SLC2A13: variants seen among roughly 807,000 people sequenced by gnomAD.
SLC2A13 encodes the protein proton myo-inositol cotransporter.
A neutral mutation model predicts 64.4 loss-of-function variants in SLC2A13; 32 were observed. The ratio of observed to expected loss-of-function variants is 0.50; its 90% confidence interval spans 0.37 to 0.67. The LOEUF is 0.67. Ranked by LOEUF, SLC2A13 falls within the 30% of genes least tolerant of loss-of-function variation. The probability of loss-of-function intolerance (pLI) is 0.00; values close to 1 mark genes in which losing one functional copy is unlikely to be tolerated. For missense variants in SLC2A13, 743 were observed against 829.2 expected (o/e 0.90, Z 1.28); for synonymous variants, 338 against 327.1 (o/e 1.03, Z -0.36).
chr12:39,926,526 G>C (rs540061045), intron 4 of SLC2A13, among the ~76,000 whole-genome samples: 1 of 152,098 alleles, frequency 6.6e-6, no homozygotes, highest in Non-Finnish European at 1.5e-5. Context: ...GTGCTGTATC[G>C]CCCACTGGTA....
At chr12:40,078,937 T>A (rs901592745) in intron 1 of SLC2A13, among the ~76,000 whole-genome samples, 1 of 152,196 alleles carries the variant, frequency 6.6e-6, no homozygotes, top group African/African-American at 2.4e-5. Flanking sequence ...TTCGTAATAG[T>A]TTCTGAGGGT....
At chr12:39,955,418 C>T (rs1946298853) in intron 3 of SLC2A13, among the ~76,000 whole-genome samples, 2 of 151,932 alleles carry the variant, frequency 1.3e-5, no homozygotes, top group Admixed American at 6.6e-5. Context: ...ACGAGTGAAA[C>T]CCAAAGTATG....
chr12:39,955,214 G>C (rs1471868674), intron 3 of SLC2A13, among the ~76,000 whole-genome samples: 1 of 152,114 alleles, frequency 6.6e-6, no homozygotes, highest in Non-Finnish European at 1.5e-5. Flanking sequence ...GTAACTGAAA[G>C]ACAACTGGAA....
chr12:39,779,242 A>AAT lies in SLC2A13; in HGVS notation c.1446-14386_1446-14385dup, dbSNP rs1356130707. Reference sequence around the variant, plus strand: ...TGGACCTCATTTGAGTTATCCATAAAATGAGTATGTTGGATGCAGCATTCT... The same window carrying AAT: ...TGGACCTCATTTGAGTTATCCATAAAATATGAGTATGTTGGATGCAGCATTCT... On this transcript the variant is annotated intron_variant, in intron 7 of 9. Coordinates refer to ENST00000280871, the MANE Select transcript of SLC2A13 (RefSeq NM_052885.4). Among the ~76,000 whole-genome samples, 3 of 152,180 alleles carry AAT rather than the reference A, an allele frequency of 2.0e-5. No homozygotes were observed. In the East Asian group the frequency reaches 5.8e-4, roughly 29 times the overall value.
intron 6 of SLC2A13, among the ~76,000 whole-genome samples, chr12:39,834,150 CTT>C (rs1942941188): frequency 6.6e-6 from 1 of 152,066 alleles, no homozygotes; most frequent in African/African-American, 2.4e-5. Context: ...TCACATAAAA[CTT>C]TGGTTAAATA....
At chr12:39,880,933 C>T (rs1446503985) in intron 4 of SLC2A13, among the ~76,000 whole-genome samples, 1 of 152,174 alleles carries the variant, frequency 6.6e-6, no homozygotes, top group Non-Finnish European at 1.5e-5. Context: ...AAAATACATG[C>T]CCACTGGACA....
intron 3 of SLC2A13, among the ~76,000 whole-genome samples, chr12:40,007,969 TA>T (rs1298362066): frequency 6.6e-6 from 1 of 152,198 alleles, no homozygotes; most frequent in Non-Finnish European, 1.5e-5. Context: ...AACCCAGATT[TA>T]AAATATAAGC....
chr12:40,093,415 C>T (rs1409523107), intron 1 of SLC2A13, among the ~76,000 whole-genome samples: 1 of 152,132 alleles, frequency 6.6e-6, no homozygotes, highest in Non-Finnish European at 1.5e-5. Context: ...CCAGGCACTA[C>T]ACTATTCAAT....
intron 1 of SLC2A13, 40 bp from the exon 2 acceptor site, chr12:40,048,250 A>G: frequency 6.4e-7 from 1 of 1,556,042 alleles, no homozygotes; most frequent in Non-Finnish European, 8.7e-7. Context: ...ACATTTACTC[A>G]AGATTTCTGT....
At chr12:40,094,632 G>A (rs564234787) in intron 1 of SLC2A13, among the ~76,000 whole-genome samples, 1 of 152,208 alleles carries the variant, frequency 6.6e-6, no homozygotes, top group African/African-American at 2.4e-5. Context: ...GTAAGGATGA[G>A]AGCCTGTCTG....
intron 3 of SLC2A13, among the ~76,000 whole-genome samples, chr12:39,959,056 GA>G (rs1292997919): frequency 2.0e-5 from 3 of 152,002 alleles, no homozygotes; most frequent in Admixed American, 6.6e-5. Flanking sequence ...GGAAAGAAGA[GA>G]AAAAAAGAGA....
chr12:39,840,803 T>C (rs1044130261), intron 6 of SLC2A13, among the ~76,000 whole-genome samples: 3 of 152,114 alleles, frequency 2.0e-5, no homozygotes, highest in African/African-American at 7.2e-5. Flanking sequence ...CTCAAGACCC[T>C]GTACAGCTTT....
intron 5 of SLC2A13, among the ~76,000 whole-genome samples, chr12:39,868,864 C>A (rs1001637637): frequency 2.0e-5 from 3 of 152,084 alleles, no homozygotes; most frequent in African/African-American, 7.2e-5. Context: ...TTTTGTACTT[C>A]TTTGTATAAA....
intron 4 of SLC2A13, among the ~76,000 whole-genome samples, chr12:39,912,867 C>G (rs1480519696): frequency 6.6e-6 from 1 of 151,996 alleles, no homozygotes; most frequent in Non-Finnish European, 1.5e-5. Flanking sequence ...AAGTACGTGG[C>G]CTACATACAA....
chr12:39,899,249 A>G (rs1350635973), intron 4 of SLC2A13, among the ~76,000 whole-genome samples: 1 of 151,884 alleles, frequency 6.6e-6, no homozygotes, highest in Non-Finnish European at 1.5e-5. Context: ...TTTCTTCTAG[A>G]TTTTCTAGTT....
chr12:39,842,229 A>G (rs1310582570), intron 6 of SLC2A13, among the ~76,000 whole-genome samples: 1 of 152,116 alleles, frequency 6.6e-6, no homozygotes, highest in Non-Finnish European at 1.5e-5. Context: ...AGACCAGATT[A>G]GAAATACAGA....
chr12:39,953,958 T>C (rs937560266), intron 3 of SLC2A13, among the ~76,000 whole-genome samples: 2 of 152,180 alleles, frequency 1.3e-5, no homozygotes, highest in African/African-American at 4.8e-5. Context: ...CAGAAGGTTT[T>C]CTAAGTATGA....
intron 4 of SLC2A13, among the ~76,000 whole-genome samples, chr12:39,888,191 A>C (rs908443874): frequency 7.9e-5 from 12 of 152,176 alleles, no homozygotes; most frequent in African/African-American, 2.9e-4. Context: ...GAAAATGCTT[A>C]TGGATATAAC....
chr12:39,755,793 A>G lies in SLC2A13; in HGVS notation c.*4233T>C, dbSNP rs1267892397. The G allele has an allele frequency of 1.3e-5, 2 of 152,038 alleles. No homozygotes were observed. Among genetic ancestry groups the G allele is most frequent in the Admixed American group, 6.6e-5 (1 of 15,220 alleles). The allele number at this position is 152,038 out of a possible 1,614,324, so 9.4% of individuals were successfully genotyped here. On this transcript the variant is annotated 3_prime_UTR_variant, in exon 10 of 10. Coordinates refer to ENST00000280871, the MANE Select transcript of SLC2A13 (RefSeq NM_052885.4). Reference sequence around the variant, plus strand: ...ATTACTCAAGTACAACAGACTATATATTTTGTACATATAAAGATTTACATA... The same window carrying G: ...ATTACTCAAGTACAACAGACTATATGTTTTGTACATATAAAGATTTACATA...
Sources: allele counts gnomAD v4.1 joint callset (sites outside exome capture counted in the v4.1 genomes callset), GRCh38; gene constraint gnomAD v4.1.1; transcripts MANE v1.5; gene names NCBI Gene and HGNC (gene_info 2026-07-23, HGNC 2026-07-21).